Variants in CHFR observed in about 807,000 individuals in gnomAD.
CHFR encodes checkpoint with forkhead and ring finger domains.
Under a neutral mutation model 87.6 loss-of-function variants are expected in CHFR, and 57 were observed. That is an observed-to-expected ratio of 0.65 (90% CI 0.53 to 0.81). The LOEUF (loss-of-function observed/expected upper bound fraction) is 0.81, where lower values mean the gene tolerates loss of function less well. Ranked by LOEUF, CHFR falls within the 30% of genes least tolerant of loss-of-function variation. CHFR has a pLI of 0.00. For missense variants in CHFR, 797 were observed against 865.8 expected (o/e 0.92, Z 1.00); for synonymous variants, 381 against 359.2 (o/e 1.06, Z -0.69).
intron 12 of CHFR, 131 bp from the exon 13 acceptor site, chr12:132,848,855 G>T (rs1950880999): frequency 1.5e-6 from 1 of 666,096 alleles, no homozygotes; most frequent in Admixed American, 2.7e-5. Context: ...TGGAAATCGG[G>T]GCGGGGCCAC....
In CHFR at chr12:132,835,116, C is replaced by T. The variant is rs1158338273; in HGVS notation, c.*6438G>A. On this transcript the variant is annotated 3_prime_UTR_variant, in exon 18 of 18. Coordinates refer to ENST00000450056, the MANE Select transcript of CHFR (RefSeq NM_001161346.2). ...CTCAAGGTCCTTAATTCCACCATAT[C>T]TGCAAAGCCCCTTTTACGGTGCAAG... The T allele has an allele frequency of 6.6e-6, 1 of 152,250 alleles. No homozygotes were observed. The highest frequency in any genetic ancestry group is 1.5e-5 in the Non-Finnish European group (1 of 68,076). The allele number at this position is 152,250 out of a possible 1,614,324, so 9.4% of individuals were successfully genotyped here.
chr12:132,879,727 G>A (rs1472367323), intron 2 of CHFR, among the ~76,000 whole-genome samples: 1 of 152,056 alleles, frequency 6.6e-6, no homozygotes. Flanking sequence ...CTCAATACTT[G>A]CCCTCTCCTT....
rs1950702946 is a variant in CHFR, at chr12:132,841,461, GC to G, written c.*92del. ...GACCCTGCGTCCCTTCCCTCAGGGG[GC>G]TGTGAAAACACCTTGACGTGCTTGT... is the stretch of plus-strand genomic sequence containing the variant. On this transcript the variant is annotated 3_prime_UTR_variant, in exon 18 of 18. Coordinates refer to ENST00000450056, the MANE Select transcript of CHFR (RefSeq NM_001161346.2). The G allele has an allele frequency of 9.1e-7, 1 of 1,102,576 alleles. No individual in the cohort carries two copies. Among genetic ancestry groups the G allele is most frequent in the African/African-American group, 1.5e-5 (1 of 64,768 alleles). The allele number at this position is 1,102,576 out of a possible 1,614,324, so 68.3% of individuals were successfully genotyped here.
intron 6 of CHFR, among the ~76,000 whole-genome samples, chr12:132,869,243 G>A (rs938263352): frequency 2.6e-5 from 4 of 150,946 alleles, no homozygotes; most frequent in Admixed American, 6.6e-5. Flanking sequence ...TGGTGGGGCC[G>A]AGGGGAAGGG....
rs757969077 is a variant in CHFR at position 132,869,735 on chromosome 12, G to T, written c.467C>A (p.Thr156Asn). 3 of 1,551,568 alleles carry T rather than the reference G, an allele frequency of 1.9e-6. No homozygotes were observed. The highest frequency in any genetic ancestry group is 1.7e-4 in the Middle Eastern group (1 of 5,992). The change falls in exon 6 of 18, where the codon ACT becomes AAT. Residue 156 changes from threonine to asparagine, a missense_variant. Physicochemically the swap from Thr to Asn is moderately conservative, Grantham distance 65 (BLOSUM62 0). Transcript: ENST00000450056. ...DPRVPPSSPA[T>N]QVCFEEPQPS... is the part of the protein sequence containing the mutation. ...CTGTGGTTCCTCAAAGCACACCTGA[G>T]TGGCGGGCGACGACGGAGGGACCCG...
intron 2 of CHFR, among the ~76,000 whole-genome samples, chr12:132,879,284 C>T (rs981377816): frequency 2.0e-5 from 3 of 151,984 alleles, no homozygotes; most frequent in Non-Finnish European, 4.4e-5. Flanking sequence ...CTTGAGCCAC[C>T]GCACCTGGCC....
chr12:132,844,025 AC>A lies in CHFR; in HGVS notation c.1843+1del. 1 of 1,606,246 alleles carries A rather than the reference AC, an allele frequency of 6.2e-7. No homozygotes were observed. Among genetic ancestry groups the A allele is most frequent in the Non-Finnish European group, 8.5e-7 (1 of 1,172,986 alleles). On this transcript the variant is annotated splice_donor_variant, in intron 16 of 17. Transcript: ENST00000450056. LOFTEE classifies it high-confidence loss of function. ...GCCATGAGGAAGTCGGGGGCTCCTTACCTGGCAACTCGGAAGCAGGAATGTT... is the reference window on the plus strand; with the variant it reads ...GCCATGAGGAAGTCGGGGGCTCCTTACTGGCAACTCGGAAGCAGGAATGTT...
At chr12:132,843,960 G>A (rs1950755423) in intron 16 of CHFR, 67 bp downstream of exon 16, 16 of 903,470 alleles carry the variant, frequency 1.8e-5, no homozygotes, top group East Asian at 2.6e-5. Context: ...AAAAAAAAAA[G>A]AGAGGCAGAA....
At chr12:132,886,422 CGCTCCTTTTTAGAGTATAATGTCGGA>C (rs1230276386) in intron 2 of CHFR, among the ~76,000 whole-genome samples, 6 of 151,994 alleles carry the variant, frequency 3.9e-5, no homozygotes. Flanking sequence ...TTCCCATCCT[CGCTCCTTTTTAGAGTATAATGTCGGA>C]GCTAATTCAT....
intron 2 of CHFR, among the ~76,000 whole-genome samples, chr12:132,882,104 T>C (rs1374846135): frequency 6.6e-6 from 1 of 152,208 alleles, no homozygotes; most frequent in African/African-American, 2.4e-5. Context: ...CTTATGTTTA[T>C]ATTAGCTTTA....
At chr12:132,848,751 G>A (rs771788815) in intron 12 of CHFR, 27 bp from the exon 13 acceptor site, 33 of 1,518,828 alleles carry the variant, frequency 2.2e-5, no homozygotes, top group Non-Finnish European at 2.5e-5. Flanking sequence ...CTCGTTACAC[G>A]CACTCAGCGC....
chr12:132,859,246 T>C lies in CHFR; in HGVS notation c.752-19A>G. 6.2e-7 allele frequency: 1 copy of C among 1,603,906 alleles called. No homozygotes were observed. The highest frequency in any genetic ancestry group is 8.5e-7 in the Non-Finnish European group (1 of 1,173,984). ...TCCCCATCTACAGGAGAAAGGGATG[T>C]GTTCTGTCGTAACCAAGAAGGAAAT... On this transcript the variant is annotated intron_variant, in intron 7 of 17. Transcript: ENST00000450056.
At chr12:132,843,135 T>C in intron 16 of CHFR, 52 bp from the exon 17 acceptor site, 1 of 1,522,848 alleles carries the variant, frequency 6.6e-7, no homozygotes, top group Non-Finnish European at 9.0e-7. Context: ...ACGCACCCAC[T>C]CAGCTACCTG....
At position 132,869,695 on chromosome 12, in the gene CHFR, C is replaced by T. The variant is rs754853631; in HGVS notation, c.507G>A (p.Thr169=). ...CFEEPQPSTS[T]SDLFPTASAS... Reference sequence around the variant, plus strand: ...CCGAGGCTGTGGGGAAGAGGTCTGACGTCGATGTTGATGGCTGTGGTTCCT... The same window carrying T: ...CCGAGGCTGTGGGGAAGAGGTCTGATGTCGATGTTGATGGCTGTGGTTCCT... The change falls in exon 6 of 18, where the codon ACG becomes ACA. Residue 169 remains threonine, a synonymous_variant. Coordinates refer to ENST00000450056, the MANE Select transcript of CHFR (RefSeq NM_001161346.2). 6 of 1,551,558 alleles carry T rather than the reference C, an allele frequency of 3.9e-6. No homozygotes were observed. Among genetic ancestry groups the T allele is most frequent in the South Asian group, 2.4e-5 (2 of 84,060 alleles).
At position 132,848,109 on chromosome 12, in the gene CHFR, G is replaced by GT; in HGVS notation, c.1622dup (p.Asn541LysfsTer39). 6.2e-7 allele frequency: 1 copy of GT among 1,614,144 alleles called. No individual in the cohort carries two copies. On this transcript the variant is annotated frameshift_variant, in exon 14 of 18. Coordinates refer to ENST00000450056, the MANE Select transcript of CHFR (RefSeq NM_001161346.2). LOFTEE classifies it high-confidence loss of function. ...CCTTCAGGATGTCTGACTCGTAGCT[G>GT]TTGTTGTTCAGCACGCCGTCCAGAC...
chr12:132,883,521 C>G (rs2137071057), intron 2 of CHFR, among the ~76,000 whole-genome samples: 1 of 150,426 alleles, frequency 6.6e-6, no homozygotes, highest in South Asian at 2.1e-4. Context: ...GTCAGGAGAT[C>G]AAGACCATCC....
intron 12 of CHFR, among the ~76,000 whole-genome samples, chr12:132,850,441 C>T (rs962612456): frequency 5.3e-5 from 8 of 152,242 alleles, no homozygotes; most frequent in African/African-American, 1.4e-4. Flanking sequence ...CTGACCACCG[C>T]GTGTGTGAGA....
chr12:132,875,442 G>T (rs1047401677), intron 3 of CHFR, among the ~76,000 whole-genome samples: 2 of 152,148 alleles, frequency 1.3e-5, no homozygotes, highest in Non-Finnish European at 2.9e-5. Context: ...AGGAGTTCAA[G>T]TCCAGCCTGG....
chr12:132,880,774 G>A (rs1424961721), intron 2 of CHFR, among the ~76,000 whole-genome samples: 1 of 150,674 alleles, frequency 6.6e-6, no homozygotes, highest in Non-Finnish European at 1.5e-5. Flanking sequence ...AGACCAGCCT[G>A]ACCAACATGG....
Sources: allele counts gnomAD v4.1 joint callset (sites outside exome capture counted in the v4.1 genomes callset), GRCh38; gene constraint gnomAD v4.1.1; transcripts MANE v1.5; gene names NCBI Gene and HGNC (gene_info 2026-07-23, HGNC 2026-07-21).